Variants in AUH observed in about 807,000 individuals in gnomAD.
The protein encoded by AUH is AU RNA binding methylglutaconyl-CoA hydratase.
Under a neutral mutation model 42.3 loss-of-function variants are expected in AUH, and 29 were observed. The observed-to-expected ratio is 0.69, with a 90% CI of 0.51 to 0.93. The LOEUF (loss-of-function observed/expected upper bound fraction) is 0.93. AUH is among the 40% of genes least tolerant of loss of function. AUH has a pLI of 0.00. For missense variants in AUH, 452 were observed against 438.1 expected, an observed-to-expected ratio of 1.03 and a Z score of -0.28; for synonymous variants, 174 against 166.4, an observed-to-expected ratio of 1.05 and a Z score of -0.35.
rs573997079 is a variant in AUH, at chr9:91,278,297, AT to A, written c.655+17723del. Among the ~76,000 whole-genome samples, 13 of 152,342 alleles carry A rather than the reference AT, an allele frequency of 8.5e-5. No homozygotes were observed. The South Asian group carries it at 2.5e-3, about 29-fold the overall frequency. ...AAAAACATTCTAGTTTCACAGTGTA[AT>A]CTTACGCGTAGCAAAAAGATTATTT... On this transcript the variant is annotated intron_variant, in intron 6 of 9. Coordinates refer to ENST00000375731, the MANE Select transcript of AUH (RefSeq NM_001698.3).
At chr9:91,349,520 T>C (rs1831785862) in intron 3 of AUH, among the ~76,000 whole-genome samples, 1 of 152,242 alleles carries the variant, frequency 6.6e-6, no homozygotes. Context: ...TGATTTCACA[T>C]TTACATCCAA....
intron 6 of AUH, among the ~76,000 whole-genome samples, chr9:91,275,146 T>G (rs1173314618): frequency 6.6e-6 from 1 of 152,180 alleles, no homozygotes; most frequent in Non-Finnish European, 1.5e-5. Flanking sequence ...ATCCTCCCAA[T>G]GCCACTATAA....
At position 91,355,872 on chromosome 9, in the gene AUH, T is replaced by C. The variant is rs775670494; in HGVS notation, c.418+11A>G. 6.3e-7 allele frequency: 1 copy of C among 1,593,596 alleles called. No homozygotes were observed. The highest frequency in any genetic ancestry group is 8.6e-7 in the Non-Finnish European group (1 of 1,161,536). The stretch of plus-strand genomic sequence containing the variant: ...TACAGTTTAATTTCATAATACAACA[T>C]ATTTACATACCAGCACAGAATATCC... On this transcript the variant is annotated intron_variant, in intron 3 of 9. Transcript: ENST00000375731.
At chr9:91,328,630 C>T (rs1830119210) in intron 3 of AUH, among the ~76,000 whole-genome samples, 1 of 151,884 alleles carries the variant, frequency 6.6e-6, no homozygotes, top group Non-Finnish European at 1.5e-5. Context: ...GCCAAGATCT[C>T]GGAGAAAAAG....
Position 91,216,725 on chromosome 9 carries a change from A to G in AUH, c.894+552T>C, listed in dbSNP as rs533878173. Among the ~76,000 whole-genome samples the G allele has an allele frequency of 1.1e-4, 17 of 152,296 alleles. No homozygotes were observed. In the East Asian group the frequency reaches 3.3e-3, roughly 29 times the overall value. ...TACCCAAAATATAATAACTGCCATGAAAAGTCCAATAAATGGGTATGTGCA... is the reference window on the plus strand; with the variant it reads ...TACCCAAAATATAATAACTGCCATGGAAAGTCCAATAAATGGGTATGTGCA... On this transcript the variant is annotated intron_variant, in intron 8 of 9. Transcript: ENST00000375731.
At chr9:91,335,549 T>C (rs965155257) in intron 3 of AUH, among the ~76,000 whole-genome samples, 7 of 152,238 alleles carry the variant, frequency 4.6e-5, no homozygotes, top group African/African-American at 9.6e-5. Context: ...CATTAGTTTA[T>C]GCTCACTTCA....
chr9:91,225,409 A>T (rs1827384596), intron 6 of AUH, among the ~76,000 whole-genome samples: 1 of 152,238 alleles, frequency 6.6e-6, no homozygotes, highest in Non-Finnish European at 1.5e-5. Context: ...AGTTAGGGGT[A>T]AAAGTGAAGA....
chr9:91,274,510 A>G (rs918219093), intron 6 of AUH, among the ~76,000 whole-genome samples: 1 of 152,238 alleles, frequency 6.6e-6, no homozygotes, highest in Non-Finnish European at 1.5e-5. Context: ...ATTTTACAAT[A>G]CAGTACTTAT....
rs1258923779 is a variant in AUH at position 91,361,854 on chromosome 9, C to T, written c.36G>A (p.Leu12=). Residue 12 remains leucine (L), a synonymous_variant, in exon 1 of 10, where the codon TTG becomes TTA. Coordinates refer to ENST00000375731, the MANE Select transcript of AUH (RefSeq NM_001698.3). ...GGGCGCCGCCAGCATGCAGGGATCC[C>T]AAGGCCCCAGGTGCCGCCGCCACCG... ...AAAVAAAPGA[L]GSLHAGGARL... 3 of 1,486,338 alleles carry T rather than the reference C, an allele frequency of 2.0e-6. No individual in the cohort carries two copies. Among genetic ancestry groups the T allele is most frequent in the East Asian group, 2.8e-5 (1 of 35,364 alleles). 92.1% of individuals were successfully genotyped at this position (1,486,338 alleles called of 1,614,324 possible). A position where few individuals can be genotyped will look rare whatever the true frequency, so the allele number is the denominator to read the frequency against.
At chr9:91,251,701 A>G (rs1370071741) in intron 6 of AUH, among the ~76,000 whole-genome samples, 2 of 152,158 alleles carry the variant, frequency 1.3e-5, no homozygotes, top group Non-Finnish European at 2.9e-5. Flanking sequence ...TTCCCTCATA[A>G]CCCAACAGCC....
intron 3 of AUH, among the ~76,000 whole-genome samples, chr9:91,333,893 T>C (rs1191463614): frequency 6.6e-6 from 1 of 152,204 alleles, no homozygotes; most frequent in African/African-American, 2.4e-5. Context: ...CATAGGCTTT[T>C]TTCCCCTCCC....
chr9:91,314,462 G>A (rs534756894), intron 4 of AUH, among the ~76,000 whole-genome samples: 22 of 142,296 alleles, frequency 1.5e-4, no homozygotes, highest in East Asian at 4.2e-4. Flanking sequence ...CAGCCTGGGC[G>A]ACACAGGGAG....
At chr9:91,220,123 A>C (rs552797399) in intron 7 of AUH, among the ~76,000 whole-genome samples, 2 of 152,342 alleles carry the variant, frequency 1.3e-5, no homozygotes, top group Admixed American at 1.3e-4. Flanking sequence ...ATATTTGAAA[A>C]ATATATCTGA....
chr9:91,242,356 T>C (rs1403254669), intron 6 of AUH, among the ~76,000 whole-genome samples: 1 of 152,202 alleles, frequency 6.6e-6, no homozygotes, highest in Non-Finnish European at 1.5e-5. Flanking sequence ...ATCTTTCTTT[T>C]ACCAAAAAAC....
chr9:91,295,876 G>C (rs1827286713), intron 6 of AUH, 145 bp downstream of exon 6: 1 of 893,094 alleles, frequency 1.1e-6, no homozygotes, highest in South Asian at 1.4e-5. Context: ...CCTGTAACTT[G>C]AATGGGGACT....
intron 6 of AUH, among the ~76,000 whole-genome samples, chr9:91,284,650 C>T (rs944819250): frequency 5.9e-5 from 9 of 152,164 alleles, no homozygotes; most frequent in East Asian, 3.9e-4. Flanking sequence ...ACAAAGTAGG[C>T]GAAGGATATG....
In AUH at chr9:91,361,809, A is replaced by G. The variant is rs1310109989; in HGVS notation, c.81T>C (p.Ser27=). 1.3e-6 allele frequency: 2 copies of G among 1,517,204 alleles called. No homozygotes were observed. The highest frequency in any genetic ancestry group is 2.7e-5 in the East Asian group (1 of 37,464). 94.0% of individuals were successfully genotyped at this position (1,517,204 alleles called of 1,614,324 possible). A position where few individuals can be genotyped will look rare whatever the true frequency, so the allele number is the denominator to read the frequency against. ...AGGARLVAAC[S]AWLCPGLRLP... The stretch of plus-strand genomic sequence containing the variant: ...GCCTCAACCCCGGGCAGAGCCACGC[A>G]CTGCAAGCGGCCACCAGGCGGGCGC... The change falls in exon 1 of 10, where the codon AGT becomes AGC. Residue 27 remains serine (S), a synonymous_variant. Coordinates refer to ENST00000375731, the MANE Select transcript of AUH (RefSeq NM_001698.3).
chr9:91,324,323 G>C (rs894594484), intron 4 of AUH, among the ~76,000 whole-genome samples: 2 of 151,790 alleles, frequency 1.3e-5, no homozygotes, highest in Non-Finnish European at 2.9e-5. Flanking sequence ...GCATCACAGT[G>C]AGACCCCCAT....
At chr9:91,292,245 GAA>G (rs1826960288) in intron 6 of AUH, among the ~76,000 whole-genome samples, 1 of 149,394 alleles carries the variant, frequency 6.7e-6, no homozygotes, top group Non-Finnish European at 1.5e-5. Flanking sequence ...AGAAACACAA[GAA>G]AGGTGGTACA....
Sources: gnomAD v4.1 joint callset for allele counts (sites outside exome capture counted in the v4.1 genomes callset) on GRCh38, gnomAD v4.1.1 for gene constraint, MANE v1.5 for transcripts, NCBI Gene and HGNC (gene_info 2026-07-23, HGNC 2026-07-21) for gene names.